SEZ6L: variants seen among roughly 807,000 people sequenced by gnomAD.
SEZ6L encodes seizure 6-like protein.
SEZ6L carries 37 observed loss-of-function variants against 106.2 expected under a neutral mutation model. The ratio of observed to expected loss-of-function variants is 0.35; its 90% CI spans 0.27 to 0.46. SEZ6L has a LOEUF of 0.46. Ranked by LOEUF, SEZ6L falls within the 20% of genes least tolerant of loss-of-function variation. SEZ6L has a pLI of 1.00. For synonymous variants in SEZ6L, 541 were observed against 570.4 expected, an observed-to-expected ratio of 0.95 and a Z score of 0.73; for missense variants, 1,172 against 1,332.8, an observed-to-expected ratio of 0.88 and a Z score of 1.88.
chr22:26,375,506 T>G (rs1378865472), intron 14 of SEZ6L, 69 bp from the exon 15 acceptor site: 3 of 1,273,970 alleles, frequency 2.4e-6, no homozygotes, highest in Admixed American at 1.7e-5. Context: ...GGTGGAGAAC[T>G]GGGCAGTTGG....
rs186947120 is a variant in SEZ6L at position 26,372,978 on chromosome 22, A to G, written c.2795-473A>G. ...AAAATGATGAAAAGACCCTAACCAC[A>G]TAATTGAGAGCAGAAACCAGAGAGC... On this transcript the variant is annotated intron_variant, in intron 13 of 16. Transcript: ENST00000248933. Among the ~76,000 whole-genome samples the G allele has an allele frequency of 1.2e-3, 180 of 152,310 alleles. 2 individuals carry two copies. Among genetic ancestry groups the G allele is most frequent in the Non-Finnish European group, 1.9e-3 (127 of 68,022 alleles).
intron 1 of SEZ6L, among the ~76,000 whole-genome samples, chr22:26,241,978 G>A (rs1456895312): frequency 6.6e-6 from 1 of 152,182 alleles, no homozygotes; most frequent in East Asian, 1.9e-4. Flanking sequence ...ATACCTCAGA[G>A]GCTCATGGAA....
chr22:26,292,696 A>T lies in SEZ6L; in HGVS notation c.385A>T (p.Arg129Trp). 1 of 1,613,666 alleles carries T rather than the reference A, an allele frequency of 6.2e-7. No individual in the cohort carries two copies. The highest frequency in any genetic ancestry group is 1.3e-5 in the African/African-American group (1 of 75,028). The change falls in exon 2 of 17, where the codon AGG becomes TGG. Residue 129 changes from arginine (R) to tryptophan (W), a missense_variant. Coordinates refer to ENST00000248933, the MANE Select transcript of SEZ6L (RefSeq NM_021115.5). ...TTCGCTCAAGCAGGTGAACTCTGCCAGGAAGCAGCTGAGGCCCAAGGCCAC... is the reference window on the plus strand; with the variant it reads ...TTCGCTCAAGCAGGTGAACTCTGCCTGGAAGCAGCTGAGGCCCAAGGCCAC... ...LPSLKQVNSARKQLRPKATSA... is the reference protein window; with the variant it reads ...LPSLKQVNSAWKQLRPKATSA...
intron 1 of SEZ6L, among the ~76,000 whole-genome samples, chr22:26,281,929 T>G (rs1305347729): frequency 6.6e-6 from 1 of 152,210 alleles, no homozygotes; most frequent in Non-Finnish European, 1.5e-5. Flanking sequence ...CATAGATAGC[T>G]TCATCATTCT....
At chr22:26,287,586 GT>G (rs566635046) in intron 1 of SEZ6L, among the ~76,000 whole-genome samples, 110 of 152,102 alleles carry the variant, frequency 7.2e-4, no homozygotes, top group Non-Finnish European at 1.4e-3. Context: ...TGGATAAGCA[GT>G]TTTGTCCCCA....
chr22:26,347,607 C>G, intron 10 of SEZ6L, 112 bp from the exon 11 acceptor site: 4 of 853,812 alleles, frequency 4.7e-6, no homozygotes, highest in Non-Finnish European at 6.9e-6. Context: ...AAGCGTGTTG[C>G]TCATTTCTAG....
At chr22:26,299,970 A>G (rs2081403211) in intron 5 of SEZ6L, among the ~76,000 whole-genome samples, 1 of 152,198 alleles carries the variant, frequency 6.6e-6, no homozygotes, top group Admixed American at 6.5e-5. Context: ...GTGTCTCCAC[A>G]TCCTTGCCCA....
intron 1 of SEZ6L, among the ~76,000 whole-genome samples, chr22:26,284,328 C>G (rs371821983): frequency 6.6e-6 from 1 of 152,138 alleles, no homozygotes; most frequent in Non-Finnish European, 1.5e-5. Context: ...AAGACTTGGC[C>G]GGGTGCGGTG....
chr22:26,369,365 A>T (rs1369680666), intron 13 of SEZ6L, among the ~76,000 whole-genome samples: 1 of 39,192 alleles, frequency 2.6e-5, no homozygotes, highest in Non-Finnish European at 4.4e-5. Flanking sequence ...TTTGAGACAG[A>T]TTCTCGCTCT....
chr22:26,323,956 A>G (rs2082227411), intron 9 of SEZ6L, among the ~76,000 whole-genome samples: 1 of 152,122 alleles, frequency 6.6e-6, no homozygotes, highest in Non-Finnish European at 1.5e-5. Flanking sequence ...GTACAGATGA[A>G]GAAACTGAGG....
chr22:26,237,775 G>A (rs191729387), intron 1 of SEZ6L, among the ~76,000 whole-genome samples: 31 of 152,272 alleles, frequency 2.0e-4, no homozygotes, highest in African/African-American at 7.2e-4. Flanking sequence ...CCTGCTCCTA[G>A]GCCTCCAAGC....
intron 1 of SEZ6L, among the ~76,000 whole-genome samples, chr22:26,273,768 G>C (rs564765492): frequency 6.6e-6 from 1 of 152,356 alleles, no homozygotes; most frequent in South Asian, 2.1e-4. Context: ...ATGACTGGGA[G>C]CTGGGCTGCC....
At chr22:26,220,826 T>C (rs1278238774) in intron 1 of SEZ6L, among the ~76,000 whole-genome samples, 1 of 151,894 alleles carries the variant, frequency 6.6e-6, no homozygotes, top group Non-Finnish European at 1.5e-5. Context: ...AATAAAAGAA[T>C]GGATGAATTG....
At chr22:26,273,828 GATAGA>G (rs957887075) in intron 1 of SEZ6L, among the ~76,000 whole-genome samples, 29 of 152,294 alleles carry the variant, frequency 1.9e-4, no homozygotes, top group African/African-American at 7.0e-4. Flanking sequence ...GGTAGGATGG[GATAGA>G]ATAGAATAGA....
At chr22:26,319,716 C>T (rs1460476786) in intron 9 of SEZ6L, among the ~76,000 whole-genome samples, 1 of 152,232 alleles carries the variant, frequency 6.6e-6, no homozygotes, top group African/African-American at 2.4e-5. Context: ...AGTATTTCAA[C>T]TCCCACACCT....
intron 1 of SEZ6L, among the ~76,000 whole-genome samples, chr22:26,205,412 A>G (rs1033171706): frequency 2.0e-5 from 3 of 152,216 alleles, no homozygotes; most frequent in African/African-American, 7.2e-5. Context: ...TTTGTGTTTC[A>G]GCTCACAACT....
intron 1 of SEZ6L, among the ~76,000 whole-genome samples, chr22:26,257,621 C>T (rs1294604129): frequency 3.9e-5 from 6 of 152,142 alleles, no homozygotes; most frequent in Non-Finnish European, 5.9e-5. Flanking sequence ...GGAGAAGGCT[C>T]TTCTGAGGAG....
chr22:26,244,919 T>C (rs2145779514), intron 1 of SEZ6L, among the ~76,000 whole-genome samples: 1 of 152,240 alleles, frequency 6.6e-6, no homozygotes, highest in South Asian at 2.1e-4. Flanking sequence ...ACGAGGGGTT[T>C]GTGTTTGCTC....
chr22:26,380,453 A>AT lies in SEZ6L; in HGVS notation c.*160dup. ...GTTTACTGTTTTCTTCCCTGTATTT[A>AT]TTATATTTAAAAGTGAAATAGGTGT... On this transcript the variant is annotated 3_prime_UTR_variant, in exon 17 of 17. Transcript: ENST00000248933. 1.8e-6 allele frequency: 1 copy of AT among 540,652 alleles called. No individual in the cohort carries two copies. 33.5% of individuals were successfully genotyped at this position (540,652 alleles called of 1,614,324 possible).
Sources: allele counts gnomAD v4.1 joint callset (sites outside exome capture counted in the v4.1 genomes callset), GRCh38; gene constraint gnomAD v4.1.1; transcripts MANE v1.5; gene names NCBI Gene and HGNC (gene_info 2026-07-23, HGNC 2026-07-21).